GTF3C1: variants seen among roughly 807,000 people sequenced by gnomAD.
GTF3C1 encodes general transcription factor IIIC subunit 1.
A neutral mutation model predicts 226.7 loss-of-function variants in GTF3C1; 57 were observed. The observed-to-expected ratio is 0.25, with a 90% CI of 0.20 to 0.31. The LOEUF is 0.31. Ranked by LOEUF, GTF3C1 falls within the 10% of genes least tolerant of loss-of-function variation. The pLI, the probability that GTF3C1 is intolerant of heterozygous loss-of-function variation, is 1.00. For synonymous variants in GTF3C1, 1,090 were observed against 1,084.8 expected (o/e 1.00, Z -0.09); for missense variants, 2,217 against 2,776.1 (o/e 0.80, Z 4.53).
chr16:27,478,238 G>A (rs552516454), intron 28 of GTF3C1, among the ~76,000 whole-genome samples: 2 of 152,162 alleles, frequency 1.3e-5, no homozygotes, highest in East Asian at 1.9e-4. Context: ...GGGGGTCGGC[G>A]TCCCCTTACC....
Position 27,549,690 on chromosome 16 carries a change from G to T in GTF3C1, c.201C>A (p.Pro67=). The T allele has an allele frequency of 2.5e-6, 4 of 1,588,440 alleles. No homozygotes were observed. The highest frequency in any genetic ancestry group is 3.4e-6 in the Non-Finnish European group (4 of 1,168,868). Residue 67 remains proline, a synonymous_variant, in exon 1 of 37, where the codon CCC becomes CCA. Transcript: ENST00000356183. Reference sequence around the variant, plus strand: ...CTGACCGGTCCTGGAGCTGTAGGTCGGGTCGCTCCCGAGGCTCCTCATAGA... The same window carrying T: ...CTGACCGGTCCTGGAGCTGTAGGTCTGGTCGCTCCCGAGGCTCCTCATAGA... ...ISFYEEPRER[P]DLQLQDRYEE... is the part of the protein sequence containing the mutation.
At chr16:27,548,388 C>CG (rs1261940075) in intron 1 of GTF3C1, among the ~76,000 whole-genome samples, 1 of 152,178 alleles carries the variant, frequency 6.6e-6, no homozygotes, top group Non-Finnish European at 1.5e-5. Context: ...CTGCCTCAGC[C>CG]TCCTGAGTAG....
In GTF3C1 at chr16:27,549,819, C is replaced by G. The variant is rs1341945240; in HGVS notation, c.72G>C (p.Leu24=). Residue 24 remains leucine, a synonymous_variant, in exon 1 of 37, where the codon CTG becomes CTC. Transcript: ENST00000356183. ...EGLDGLCLPA[L]WSRLETRVPP... is the part of the protein sequence containing the mutation. Reference sequence around the variant, plus strand: ...GCACTCGCGTCTCCAGCCGGCTCCACAGCGCTGGCAGACACAGGCCATCGA... The same window carrying G: ...GCACTCGCGTCTCCAGCCGGCTCCAGAGCGCTGGCAGACACAGGCCATCGA... 1.2e-6 allele frequency: 2 copies of G among 1,613,016 alleles called. No homozygotes were observed. The highest frequency in any genetic ancestry group is 2.2e-5 in the South Asian group (2 of 91,078).
intron 24 of GTF3C1, among the ~76,000 whole-genome samples, chr16:27,485,539 T>C (rs561047764): frequency 1.3e-5 from 2 of 152,072 alleles, no homozygotes; most frequent in South Asian, 2.1e-4. Flanking sequence ...GCAATGAAGG[T>C]GGGAGGAAGG....
intron 29 of GTF3C1, among the ~76,000 whole-genome samples, chr16:27,472,333 C>T (rs966840002): frequency 6.6e-6 from 1 of 152,320 alleles, no homozygotes; most frequent in Non-Finnish European, 1.5e-5. Flanking sequence ...GCATCGGGTT[C>T]GTGCCACCTG....
chr16:27,469,323 C>T lies in GTF3C1; in HGVS notation c.5042G>A (p.Cys1681Tyr), dbSNP rs763001842. The T allele has an allele frequency of 6.3e-7, 1 of 1,580,476 alleles. No homozygotes were observed. Among genetic ancestry groups the T allele is most frequent in the African/African-American group, 1.3e-5 (1 of 74,634 alleles). Residue 1681 changes from cysteine to tyrosine, a missense_variant, in exon 32 of 37, where the codon TGC (cysteine) becomes TAC (tyrosine). Cys to Tyr is a radical substitution (Grantham distance 194). Coordinates refer to ENST00000356183, the MANE Select transcript of GTF3C1 (RefSeq NM_001520.4). This position sits in a 1 kb window ranked among gnomAD's most constrained non-coding sequence, Gnocchi z 4.5. ...CCTGAGCCGGGCGGGCACAGGGGTG[C>T]AGCGGAGCTGGAACTTCATCTGGCA... ...NSCQMKFQLR[C>Y]TPVPARLRPA...
chr16:27,499,911 C>G (rs2088380138), intron 12 of GTF3C1, among the ~76,000 whole-genome samples: 1 of 152,222 alleles, frequency 6.6e-6, no homozygotes, highest in Non-Finnish European at 1.5e-5. Flanking sequence ...TACGCTGGTA[C>G]TAGAGTCACA....
At chr16:27,489,873 G>T (rs766128907) in intron 19 of GTF3C1, 130 bp from the exon 20 acceptor site, 25 of 801,784 alleles carry the variant, frequency 3.1e-5, no homozygotes, top group Non-Finnish European at 4.7e-5. Context: ...CACTGCGGGG[G>T]TCTGAGATTG....
At chr16:27,482,524 G>A (rs575252322) in intron 26 of GTF3C1, 148 of 455,892 alleles carry the variant, frequency 3.2e-4, no homozygotes, top group Non-Finnish European at 5.8e-4. Context: ...TGGCCTCCTT[G>A]GCGGAAAAGG....
In GTF3C1 at chr16:27,528,671, G is replaced by A. The variant is rs767445281; in HGVS notation, c.900C>T (p.Ala300=). The change falls in exon 6 of 37, where the codon GCC becomes GCT. Residue 300 remains alanine, a synonymous_variant. Coordinates refer to ENST00000356183, the MANE Select transcript of GTF3C1 (RefSeq NM_001520.4). The part of the protein sequence containing the change: ...FKRLYQYMLN[A]GLAKVVSLRL... ...GAAGAGACACCACCTTGGCTAGCCC[G>A]GCGTTCAGCATATACTGGTACAGAC... 25 of 1,612,616 alleles carry A rather than the reference G, an allele frequency of 1.6e-5. No homozygotes were observed. The highest frequency in any genetic ancestry group is 3.3e-5 in the Admixed American group (2 of 59,998).
chr16:27,549,836 G>C lies in GTF3C1; in HGVS notation c.55C>G (p.Leu19Val). The C allele has an allele frequency of 1.2e-6, 2 of 1,613,070 alleles. No individual in the cohort carries two copies. The highest frequency in any genetic ancestry group is 1.7e-6 in the Non-Finnish European group (2 of 1,179,878). ...CGGCTCCACAGCGCTGGCAGACACA[G>C]GCCATCGAGCCCCTCCAGAGCGACT... The part of the protein sequence containing the change: ...DEVALEGLDG[L>V]CLPALWSRLE... Residue 19 changes from leucine to valine, a missense_variant, in exon 1 of 37, where the codon CTG becomes GTG. Coordinates refer to ENST00000356183, the MANE Select transcript of GTF3C1 (RefSeq NM_001520.4).
At chr16:27,495,798 G>T (rs2088307074) in intron 14 of GTF3C1, among the ~76,000 whole-genome samples, 2 of 152,222 alleles carry the variant, frequency 1.3e-5, no homozygotes, top group South Asian at 4.1e-4. Flanking sequence ...TGAAGGAGCT[G>T]CTGGCAGTGC....
At chr16:27,519,383 G>T (rs952084926) in intron 6 of GTF3C1, among the ~76,000 whole-genome samples, 5 of 152,166 alleles carry the variant, frequency 3.3e-5, no homozygotes, top group Admixed American at 6.5e-5. Flanking sequence ...TTCTGCAGTG[G>T]ACATGGAAGC....
chr16:27,486,443 C>G (rs1040353159), intron 23 of GTF3C1, among the ~76,000 whole-genome samples: 4 of 152,196 alleles, frequency 2.6e-5, no homozygotes, highest in African/African-American at 9.7e-5. Flanking sequence ...AATCTCCAAT[C>G]TCCCCCACTG....
intron 23 of GTF3C1, among the ~76,000 whole-genome samples, chr16:27,487,663 C>T (rs2088163296): frequency 6.6e-6 from 1 of 152,162 alleles, no homozygotes; most frequent in Non-Finnish European, 1.5e-5. Context: ...TGTGGTGGCG[C>T]ACGCCTGTAA....
chr16:27,528,312 C>T (rs1276899486), intron 6 of GTF3C1, among the ~76,000 whole-genome samples: 1 of 152,000 alleles, frequency 6.6e-6, no homozygotes, highest in Admixed American at 6.6e-5. Context: ...ACTAGAGTGG[C>T]TTAATATAAG....
At chr16:27,514,341 G>C (rs2088623877) in intron 6 of GTF3C1, among the ~76,000 whole-genome samples, 1 of 152,170 alleles carries the variant, frequency 6.6e-6, no homozygotes, top group South Asian at 2.1e-4. Context: ...TTTCAGAATG[G>C]GAGGCTTAAG....
chr16:27,517,535 G>A (rs977397136), intron 6 of GTF3C1, among the ~76,000 whole-genome samples: 8 of 152,182 alleles, frequency 5.3e-5, no homozygotes, highest in Non-Finnish European at 1.2e-4. Flanking sequence ...ACAAAAGGCA[G>A]GTGAGATACA....
At chr16:27,505,343 C>T (rs1442855977) in intron 10 of GTF3C1, among the ~76,000 whole-genome samples, 1 of 152,140 alleles carries the variant, frequency 6.6e-6, no homozygotes, top group Non-Finnish European at 1.5e-5. Context: ...AGCAGAGTTT[C>T]TCCACCTTGC....
Sources: gnomAD v4.1 joint callset for allele counts (sites outside exome capture counted in the v4.1 genomes callset) on GRCh38, gnomAD v4.1.1 for gene constraint, Gnocchi (gnomAD v3.1) non-coding constraint, MANE v1.5 for transcripts, NCBI Gene and HGNC (gene_info 2026-07-23, HGNC 2026-07-21) for gene names.